Variants in HCLS1 observed in about 807,000 individuals in gnomAD.
The protein encoded by HCLS1 is hematopoietic lineage cell-specific protein.
Under a neutral mutation model 68.6 loss-of-function variants are expected in HCLS1, and 44 were observed. That is an observed-to-expected ratio of 0.64 (90% CI 0.50 to 0.82). The LOEUF is 0.82. HCLS1 is among the 40% of genes least tolerant of loss of function. The pLI is 0.00. For synonymous variants in HCLS1, 217 were observed against 225.8 expected (o/e 0.96, Z 0.35); for missense variants, 602 against 612.1 (o/e 0.98, Z 0.17).
chr3:121,652,546 C>T (rs1004170744), intron 3 of HCLS1, among the ~76,000 whole-genome samples: 1 of 152,030 alleles, frequency 6.6e-6, no homozygotes. Context: ...CCCAGCTACT[C>T]GGGAAGCTGA....
chr3:121,654,657 G>A (rs1439277982), intron 3 of HCLS1, among the ~76,000 whole-genome samples: 1 of 152,206 alleles, frequency 6.6e-6, no homozygotes, highest in Non-Finnish European at 1.5e-5. Flanking sequence ...GAGACATCAC[G>A]GTGTGGGGAA....
intron 1 of HCLS1, among the ~76,000 whole-genome samples, chr3:121,660,066 T>C (rs766429965): frequency 6.6e-6 from 1 of 152,106 alleles, no homozygotes; most frequent in Non-Finnish European, 1.5e-5. Context: ...TGCATCAAAG[T>C]ACACAGACTG....
intron 7 of HCLS1, 116 bp downstream of exon 7, chr3:121,637,030 C>A (rs745357376): frequency 1.4e-6 from 1 of 719,026 alleles, no homozygotes; most frequent in Non-Finnish European, 2.5e-6. Context: ...GCCCTGGCAC[C>A]CCCTGCTCTG....
chr3:121,654,602 C>T (rs1315469110), intron 3 of HCLS1, among the ~76,000 whole-genome samples: 4 of 152,134 alleles, frequency 2.6e-5, no homozygotes, highest in Non-Finnish European at 5.9e-5. Flanking sequence ...CACTGAATTA[C>T]CAAATTACTA....
At chr3:121,645,543 CAT>C (rs2049239139) in intron 4 of HCLS1, among the ~76,000 whole-genome samples, 1 of 152,096 alleles carries the variant, frequency 6.6e-6, no homozygotes, top group African/African-American at 2.4e-5. Flanking sequence ...AATTTTAAAA[CAT>C]ATTTTTTCCT....
In HCLS1 at chr3:121,635,887, C is replaced by A. The variant is rs773715321; in HGVS notation, c.622-83G>T. ...TGGAGGTAGTATTGGGGGTTGGGGG[C>A]CACTATAAGAGGTATCCCTAACCAT... is the stretch of plus-strand genomic sequence containing the variant. On this transcript the variant is annotated intron_variant, in intron 8 of 13. Coordinates refer to ENST00000314583, the MANE Select transcript of HCLS1 (RefSeq NM_005335.6). 3.6e-4 allele frequency: 372 copies of A among 1,041,116 alleles called. 1 individual carries two copies. Among genetic ancestry groups the A allele is most frequent in the Non-Finnish European group, 5.3e-4 (351 of 664,850 alleles). 64.5% of individuals were successfully genotyped at this position (1,041,116 alleles called of 1,614,324 possible).
chr3:121,635,234 CTT>C (rs1491217655), intron 9 of HCLS1, among the ~76,000 whole-genome samples: 38 of 98,458 alleles, frequency 3.9e-4, no homozygotes, highest in South Asian at 9.7e-4. Flanking sequence ...TCTTCTCTCC[CTT>C]TTCTCTCTCT....
intron 6 of HCLS1, among the ~76,000 whole-genome samples, chr3:121,639,010 AACACAC>A (rs56054727): frequency 1.3e-5 from 2 of 149,286 alleles, no homozygotes; most frequent in African/African-American, 5.0e-5. Context: ...GCAAGACTCC[AACACAC>A]ACACACACGC....
At chr3:121,644,445 A>G (rs1241308972) in intron 5 of HCLS1, 2 of 344,430 alleles carry the variant, frequency 5.8e-6, no homozygotes, top group East Asian at 1.4e-4. Flanking sequence ...AAACTGATGA[A>G]TCTGTTTTCC....
chr3:121,632,711 C>G, intron 11 of HCLS1, 148 bp from the exon 12 acceptor site: 1 of 671,876 alleles, frequency 1.5e-6, no homozygotes, highest in Non-Finnish European at 2.5e-6. Flanking sequence ...GGAACACAGC[C>G]TTTCATCCAT....
intron 3 of HCLS1, chr3:121,654,154 G>A (rs1281709677): frequency 6.6e-6 from 1 of 152,288 alleles, no homozygotes; most frequent in Non-Finnish European, 1.5e-5. Flanking sequence ...TGGGAGGTGG[G>A]AGGTCACTAT....
intron 4 of HCLS1, among the ~76,000 whole-genome samples, chr3:121,646,398 AAT>A (rs1214658906): frequency 2.3e-5 from 2 of 87,198 alleles, no homozygotes; most frequent in African/African-American, 8.9e-5. Context: ...ATTACTATGT[AAT>A]ATATTACATA....
chr3:121,637,863 G>C (rs138907395), intron 6 of HCLS1, among the ~76,000 whole-genome samples: 15 of 152,140 alleles, frequency 9.9e-5, no homozygotes, highest in Middle Eastern at 3.4e-3. Context: ...TTGAACATGG[G>C]GGGTGGAGGT....
At chr3:121,642,103 A>T (rs73179967) in intron 6 of HCLS1, among the ~76,000 whole-genome samples, 31,740 of 140,616 alleles carry the variant, frequency 0.23, 3,877 homozygotes, top group East Asian at 0.32. Context: ...AAAAAACTTG[A>T]TCAATATTAT....
At chr3:121,632,903 A>C (rs7611913) in intron 11 of HCLS1, among the ~76,000 whole-genome samples, 164 bp downstream of exon 11, 103,600 of 152,046 alleles carry the variant, frequency 0.68, 36,336 homozygotes, top group East Asian at 0.85. Flanking sequence ...AATCATCTAT[A>C]CTAGTTTGCC....
At chr3:121,647,992 A>T (rs1017972755) in intron 3 of HCLS1, among the ~76,000 whole-genome samples, 6 of 152,218 alleles carry the variant, frequency 3.9e-5, no homozygotes, top group African/African-American at 1.4e-4. Flanking sequence ...TATATGACCA[A>T]TGGTTGGATA....
In HCLS1 at chr3:121,644,981, A is replaced by T. The variant is rs1290295471; in HGVS notation, c.289-53T>A. On this transcript the variant is annotated intron_variant, in intron 4 of 13. Transcript: ENST00000314583. ...GAAAAGATAAAAATGACCTTAAAAA[A>T]ATAAATACAGATATGGAGTGGGATG... The T allele has an allele frequency of 2.1e-5, 29 of 1,366,030 alleles. No homozygotes were observed. In the African/African-American group the frequency reaches 4.1e-4, roughly 19 times the overall value. 84.6% of individuals were successfully genotyped at this position (1,366,030 alleles called of 1,614,324 possible).
At chr3:121,642,079 CA>C (rs1167544123) in intron 6 of HCLS1, among the ~76,000 whole-genome samples, 1,959 of 64,534 alleles carry the variant, frequency 0.03, 23 homozygotes, top group African/African-American at 0.097. Flanking sequence ...GACTCCGTCG[CA>C]AAAAAAAAAA....
chr3:121,643,277 G>A (rs1237636485), intron 5 of HCLS1: 2 of 254,314 alleles, frequency 7.9e-6, no homozygotes, highest in Non-Finnish European at 7.8e-6. Context: ...ATAAAATCAG[G>A]AGAGGCATGC....
Sources: gnomAD v4.1 joint callset for allele counts (sites outside exome capture counted in the v4.1 genomes callset) on GRCh38, gnomAD v4.1.1 for gene constraint, MANE v1.5 for transcripts, NCBI Gene and HGNC (gene_info 2026-07-23, HGNC 2026-07-21) for gene names.